SELENOF: variants seen among roughly 807,000 people sequenced by gnomAD.
SELENOF encodes 15 kDa selenoprotein.
A neutral mutation model predicts 20.5 loss-of-function variants in SELENOF; 16 were observed. That is an observed-to-expected ratio of 0.78 (90% CI 0.53 to 1.19). SELENOF has a LOEUF of 1.19. Among genes scored for constraint, SELENOF ranks in the 50% most tolerant of loss-of-function variants. The pLI is 0.00. For missense variants in SELENOF, 215 were observed against 194.2 expected, an observed-to-expected ratio of 1.11 and a Z score of -0.64; for synonymous variants, 78 against 74.5, an observed-to-expected ratio of 1.05 and a Z score of -0.24.
At chr1:86,905,059 A>G (rs2753287) in intron 1 of SELENOF, among the ~76,000 whole-genome samples, 18,717 of 152,196 alleles carry the variant, frequency 0.12, 1,235 homozygotes, top group Non-Finnish European at 0.14. Context: ...TGAAACTTAT[A>G]TTTTTCTTAA....
intron 2 of SELENOF, among the ~76,000 whole-genome samples, chr1:86,889,638 G>C (rs11585796): frequency 0.12 from 18,688 of 152,010 alleles, 1,236 homozygotes; most frequent in Non-Finnish European, 0.14. Context: ...ACTATTTACA[G>C]CTAAGGGGTA....
intron 2 of SELENOF, among the ~76,000 whole-genome samples, chr1:86,898,971 G>C (rs923110816): frequency 7.9e-5 from 12 of 151,742 alleles, no homozygotes; most frequent in African/African-American, 2.9e-4. Context: ...TTGAGATTAG[G>C]GAGTGGTGAT....
At chr1:86,879,745 G>A (rs955493974) in intron 3 of SELENOF, among the ~76,000 whole-genome samples, 1 of 152,164 alleles carries the variant, frequency 6.6e-6, no homozygotes, top group African/African-American at 2.4e-5. Flanking sequence ...TGACATGCAA[G>A]ACAAAAGCCT....
intron 2 of SELENOF, among the ~76,000 whole-genome samples, chr1:86,885,802 T>C (rs1485720957): frequency 6.6e-6 from 1 of 152,220 alleles, no homozygotes; most frequent in Non-Finnish European, 1.5e-5. Flanking sequence ...GTATGCCCCC[T>C]TGGGTAAGTC....
intron 1 of SELENOF, among the ~76,000 whole-genome samples, chr1:86,911,490 A>G (rs756054094): frequency 6.6e-6 from 1 of 152,236 alleles, no homozygotes; most frequent in Non-Finnish European, 1.5e-5. Context: ...TCCTTAAGGA[A>G]CATTGAGGAA....
At chr1:86,907,760 G>C (rs528104176) in intron 1 of SELENOF, among the ~76,000 whole-genome samples, 25 of 152,192 alleles carry the variant, frequency 1.6e-4, no homozygotes, top group African/African-American at 6.0e-4. Context: ...AAGGTGGGTG[G>C]ATCACCTAAG....
intron 4 of SELENOF, among the ~76,000 whole-genome samples, chr1:86,864,961 A>ATT (rs60379546): frequency 7.3e-5 from 11 of 151,244 alleles, no homozygotes; most frequent in Non-Finnish European, 1.2e-4. Context: ...TAAGTTAAGG[A>ATT]TTTTTTTTTC....
intron 4 of SELENOF, among the ~76,000 whole-genome samples, chr1:86,867,213 G>A (rs561138786): frequency 9.7e-4 from 147 of 152,140 alleles, no homozygotes; most frequent in Middle Eastern, 3.4e-3. Flanking sequence ...GTGGCCAGGC[G>A]CAGTGGCTCA....
In SELENOF at chr1:86,862,664, T is replaced by A. The variant is rs1043062457; in HGVS notation, c.*810A>T. On this transcript the variant is annotated 3_prime_UTR_variant, in exon 5 of 5. Transcript: ENST00000331835. ...AAAGGGCTTACATGAAAAAAATGCATTGAAAAACATCATTTTTAAACATGA... is the reference window on the plus strand; with the variant it reads ...AAAGGGCTTACATGAAAAAAATGCAATGAAAAACATCATTTTTAAACATGA... The A allele has an allele frequency of 3.3e-5, 5 of 152,178 alleles. No homozygotes were observed. The highest frequency in any genetic ancestry group is 1.2e-4 in the African/African-American group (5 of 41,450). The allele number at this position is 152,178 out of a possible 1,614,324, so 9.4% of individuals were successfully genotyped here.
At chr1:86,874,697 T>C (rs554554346) in intron 3 of SELENOF, among the ~76,000 whole-genome samples, 1 of 152,234 alleles carries the variant, frequency 6.6e-6, no homozygotes, top group East Asian at 1.9e-4. Flanking sequence ...AAGAAAAATG[T>C]TTGAATTATG....
intron 2 of SELENOF, among the ~76,000 whole-genome samples, chr1:86,885,244 C>T (rs1659184592): frequency 6.6e-6 from 1 of 152,104 alleles, no homozygotes. Context: ...ATAACAGCTA[C>T]TCAAACTGTA....
At chr1:86,895,608 C>G (rs1249837956) in intron 2 of SELENOF, among the ~76,000 whole-genome samples, 2 of 152,222 alleles carry the variant, frequency 1.3e-5, no homozygotes, top group African/African-American at 4.8e-5. Context: ...TGAATCTAGA[C>G]AGTCTGGTTC....
chr1:86,907,432 A>T (rs1659858893), intron 1 of SELENOF, among the ~76,000 whole-genome samples: 1 of 152,218 alleles, frequency 6.6e-6, no homozygotes, highest in Non-Finnish European at 1.5e-5. Context: ...TTGCAGACTT[A>T]AGGCTTTGAA....
intron 2 of SELENOF, among the ~76,000 whole-genome samples, chr1:86,898,307 G>C (rs1659578382): frequency 6.6e-6 from 1 of 152,186 alleles, no homozygotes; most frequent in South Asian, 2.1e-4. Context: ...AATAAAAATA[G>C]TGGAATATCA....
intron 3 of SELENOF, among the ~76,000 whole-genome samples, chr1:86,873,549 T>C (rs529890812): frequency 2.4e-4 from 36 of 152,082 alleles, no homozygotes; most frequent in African/African-American, 8.7e-4. Context: ...TGTTTAGTTT[T>C]ATATAATTTT....
intron 2 of SELENOF, among the ~76,000 whole-genome samples, chr1:86,885,007 C>G (rs994273894): frequency 3.3e-5 from 5 of 152,194 alleles, no homozygotes; most frequent in African/African-American, 1.2e-4. Context: ...CTAACTACCT[C>G]AGCTCTATCA....
intron 2 of SELENOF, among the ~76,000 whole-genome samples, chr1:86,883,484 A>G (rs1659132491): frequency 6.6e-6 from 1 of 151,874 alleles, no homozygotes; most frequent in Non-Finnish European, 1.5e-5. Flanking sequence ...ACACTAGTGT[A>G]TAGTGTACGT....
At chr1:86,877,664 C>T (rs1186770666) in intron 3 of SELENOF, among the ~76,000 whole-genome samples, 4 of 152,128 alleles carry the variant, frequency 2.6e-5, no homozygotes, top group Non-Finnish European at 5.9e-5. Context: ...ATTTGTACTA[C>T]ATTATTTCAA....
chr1:86,869,662 C>T (rs900677226), intron 3 of SELENOF, among the ~76,000 whole-genome samples: 1 of 152,144 alleles, frequency 6.6e-6, no homozygotes, highest in Non-Finnish European at 1.5e-5. Flanking sequence ...ATGATCATGC[C>T]TAATTAATTC....
Sources: allele counts gnomAD v4.1 joint callset (sites outside exome capture counted in the v4.1 genomes callset), GRCh38; gene constraint gnomAD v4.1.1; transcripts MANE v1.5; gene names NCBI Gene and HGNC (gene_info 2026-07-23, HGNC 2026-07-21).